Variants in FANCC observed in about 807,000 individuals in gnomAD.
The protein encoded by FANCC is FA complementation group C.
FANCC carries 55 observed loss-of-function variants against 71.3 expected under a neutral mutation model. That is an observed-to-expected ratio of 0.77 (90% confidence interval 0.62 to 0.97). The LOEUF is 0.97. Ranked by LOEUF, FANCC falls within the 50% of genes least tolerant of loss-of-function variation. The probability of loss-of-function intolerance (pLI) is 0.00; values close to 1 mark genes in which losing one functional copy is unlikely to be tolerated. For missense variants in FANCC, 678 were observed against 670.9 expected, an observed-to-expected ratio of 1.01 and a Z score of -0.12; for synonymous variants, 275 against 244.9, an observed-to-expected ratio of 1.12 and a Z score of -1.15.
chr9:95,103,695 A>G (rs2071227407), intron 14 of FANCC, among the ~76,000 whole-genome samples: 1 of 152,140 alleles, frequency 6.6e-6, no homozygotes, highest in African/African-American at 2.4e-5. Context: ...GGAAAATCGG[A>G]GGGCCGAGGT....
chr9:95,120,468 G>A (rs1173308294), intron 10 of FANCC, among the ~76,000 whole-genome samples: 4 of 150,944 alleles, frequency 2.6e-5, no homozygotes, highest in African/African-American at 9.8e-5. Flanking sequence ...AGGCTGGAGT[G>A]CAGTGGTGTG....
chr9:95,253,557 G>A (rs555048304), intron 1 of FANCC, among the ~76,000 whole-genome samples: 36 of 152,170 alleles, frequency 2.4e-4, no homozygotes, highest in Non-Finnish European at 4.1e-4. Flanking sequence ...TTTTTCTTCC[G>A]GCTTCCATTC....
intron 11 of FANCC, among the ~76,000 whole-genome samples, chr9:95,116,492 C>A (rs923984610): frequency 2.0e-5 from 3 of 152,202 alleles, no homozygotes; most frequent in African/African-American, 7.2e-5. Context: ...GATCTACTCA[C>A]TCAAGTCTCA....
intron 4 of FANCC, among the ~76,000 whole-genome samples, chr9:95,207,659 CA>C (rs1431514153): frequency 6.6e-6 from 1 of 152,164 alleles, no homozygotes; most frequent in Middle Eastern, 3.2e-3. Context: ...GTCAGACGGA[CA>C]AATCCCGGGT....
chr9:95,122,469 T>C (rs1205151697), intron 10 of FANCC, among the ~76,000 whole-genome samples: 1 of 152,130 alleles, frequency 6.6e-6, no homozygotes, highest in Non-Finnish European at 1.5e-5. Flanking sequence ...ATGCAGGCAT[T>C]GGCAAAGCAA....
intron 6 of FANCC, among the ~76,000 whole-genome samples, chr9:95,167,128 A>C (rs1825350606): frequency 6.6e-6 from 1 of 152,000 alleles, no homozygotes; most frequent in South Asian, 2.1e-4. Context: ...TGGCTCTTTG[A>C]ATGTATCATC....
intron 4 of FANCC, among the ~76,000 whole-genome samples, chr9:95,177,422 C>A (rs926844846): frequency 6.6e-6 from 1 of 152,200 alleles, no homozygotes; most frequent in Non-Finnish European, 1.5e-5. Context: ...TGACTCTGCA[C>A]CACTGTAGAC....
intron 1 of FANCC, among the ~76,000 whole-genome samples, chr9:95,252,310 CAAAG>C (rs947587769): frequency 5.4e-5 from 6 of 112,124 alleles, no homozygotes; most frequent in African/African-American, 1.3e-4. Context: ...AAAAAAGAAA[CAAAG>C]AAACTGAAGA....
chr9:95,264,700 T>C (rs776158089), intron 1 of FANCC, among the ~76,000 whole-genome samples: 3 of 151,890 alleles, frequency 2.0e-5, no homozygotes, highest in Non-Finnish European at 1.5e-5. Flanking sequence ...CAAAACACAC[T>C]AATTATGGAA....
At chr9:95,264,780 C>T (rs1832289750) in intron 1 of FANCC, among the ~76,000 whole-genome samples, 1 of 152,120 alleles carries the variant, frequency 6.6e-6, no homozygotes, top group South Asian at 2.1e-4. Flanking sequence ...GGCACCATGA[C>T]CTTGTCAGAA....
intron 7 of FANCC, among the ~76,000 whole-genome samples, chr9:95,137,562 A>G (rs1827885189): frequency 6.6e-6 from 1 of 152,188 alleles, no homozygotes; most frequent in South Asian, 2.1e-4. Context: ...CCTCAGATGA[A>G]AAGAAGAGAA....
chr9:95,237,707 T>G (rs1010345028), intron 4 of FANCC, among the ~76,000 whole-genome samples: 3 of 152,266 alleles, frequency 2.0e-5, no homozygotes, highest in African/African-American at 7.2e-5. Flanking sequence ...TTTTCAACCC[T>G]ACATTTTATA....
Position 95,100,448 on chromosome 9 carries a change from C to T in FANCC, c.*1259G>A. The T allele has an allele frequency of 4.3e-6, 1 of 231,554 alleles. No homozygotes were observed. The highest frequency in any genetic ancestry group is 6.1e-5 in the East Asian group (1 of 16,384). 14.3% of individuals were successfully genotyped at this position (231,554 alleles called of 1,614,324 possible). On this transcript the variant is annotated 3_prime_UTR_variant, in exon 15 of 15. Coordinates refer to ENST00000289081, the MANE Select transcript of FANCC (RefSeq NM_000136.3). Reference sequence around the variant, plus strand: ...CTAATCCAGCAAAACTTTGCTCATACCTCAAAACGGAGCCAAGACTCAGAC... The same window carrying T: ...CTAATCCAGCAAAACTTTGCTCATATCTCAAAACGGAGCCAAGACTCAGAC...
chr9:95,313,552 GA>G (rs920442162), intron 1 of FANCC, among the ~76,000 whole-genome samples: 180 of 150,896 alleles, frequency 1.2e-3, no homozygotes, highest in African/African-American at 4.1e-3. Flanking sequence ...AATATTTGAA[GA>G]AAAAAAAATA....
chr9:95,217,526 C>T (rs1013896441), intron 4 of FANCC, among the ~76,000 whole-genome samples: 1 of 151,412 alleles, frequency 6.6e-6, no homozygotes, highest in Non-Finnish European at 1.5e-5. Flanking sequence ...AACCAATGGT[C>T]AAAAAAAGAA....
At chr9:95,163,005 T>C (rs1168266948) in intron 6 of FANCC, among the ~76,000 whole-genome samples, 4 of 152,246 alleles carry the variant, frequency 2.6e-5, no homozygotes, top group Admixed American at 2.6e-4. Context: ...CCTGTGCTTT[T>C]GGTGTCATAT....
intron 1 of FANCC, among the ~76,000 whole-genome samples, chr9:95,275,890 A>C (rs75476786): frequency 1.6e-3 from 250 of 152,238 alleles, no homozygotes; most frequent in African/African-American, 5.7e-3. Flanking sequence ...TACTCTACAC[A>C]CTCTGAGCAT....
chr9:95,196,619 GCTT>G (rs1827474005), intron 4 of FANCC, among the ~76,000 whole-genome samples: 1 of 152,142 alleles, frequency 6.6e-6, no homozygotes, highest in Admixed American at 6.5e-5. Context: ...CTCCAAAGAG[GCTT>G]CTGTCACACC....
intron 4 of FANCC, among the ~76,000 whole-genome samples, chr9:95,227,659 T>A (rs1012990245): frequency 4.6e-5 from 7 of 152,234 alleles, no homozygotes; most frequent in Non-Finnish European, 1.0e-4. Flanking sequence ...TATTTACATA[T>A]GTGTCCCCCA....
Sources: gnomAD v4.1 joint callset for allele counts (sites outside exome capture counted in the v4.1 genomes callset) on GRCh38, gnomAD v4.1.1 for gene constraint, MANE v1.5 for transcripts, NCBI Gene and HGNC (gene_info 2026-07-23, HGNC 2026-07-21) for gene names.